ADGRL3: variants seen among roughly 807,000 people sequenced by gnomAD.
ADGRL3 encodes calcium-independent alpha-latrotoxin receptor 3.
In ADGRL3, 62 loss-of-function variants were observed where a neutral mutation model predicts 153.5. The ratio of observed to expected loss-of-function variants is 0.40; its 90% CI spans 0.33 to 0.50. ADGRL3 has a LOEUF of 0.50. ADGRL3 is among the 20% of genes least tolerant of loss of function. The probability of loss-of-function intolerance (pLI) is 0.47; values close to 1 mark genes in which losing one functional copy is unlikely to be tolerated. For missense variants in ADGRL3, 1,641 were observed against 1,859.4 expected, an observed-to-expected ratio of 0.88 and a Z score of 2.16; for synonymous variants, 710 against 672.5, an observed-to-expected ratio of 1.06 and a Z score of -0.86.
Position 61,767,593 on chromosome 4 carries a change from A to G in ADGRL3, c.1399+34039A>G, listed in dbSNP as rs1326046497. Among the ~76,000 whole-genome samples the G allele has an allele frequency of 1.2e-4, 18 of 152,190 alleles. No homozygotes were observed. The East Asian group carries it at 3.3e-3, about 28-fold the overall frequency. On this transcript the variant is annotated intron_variant, in intron 8 of 26. Coordinates refer to ENST00000683033, the MANE Select transcript of ADGRL3 (RefSeq NM_001387552.1). ...GGTAAGCCAAGAAGGAGTCAGTCAG[A>G]GAGCCTTGGGCCAGAGTTCCAGGAG...
At chr4:61,908,300 A>G (rs1046751326) in intron 11 of ADGRL3, among the ~76,000 whole-genome samples, 43 of 152,074 alleles carry the variant, frequency 2.8e-4, no homozygotes, top group Admixed American at 6.6e-5. Flanking sequence ...AAAAGAAAAA[A>G]AAAGAAAAGA....
intron 13 of ADGRL3, among the ~76,000 whole-genome samples, chr4:61,922,674 C>T (rs1398279270): frequency 6.6e-6 from 1 of 152,126 alleles, no homozygotes; most frequent in African/African-American, 2.4e-5. Flanking sequence ...ATAGTAAACA[C>T]ATATACTTTA....
chr4:61,359,827 G>A (rs1175797168), intron 1 of ADGRL3, among the ~76,000 whole-genome samples: 2 of 152,078 alleles, frequency 1.3e-5, no homozygotes, highest in South Asian at 4.1e-4. Context: ...CATGGAAACA[G>A]CTCAATACAT....
intron 21 of ADGRL3, among the ~76,000 whole-genome samples, chr4:62,024,965 AT>A (rs1717614786): frequency 2.7e-5 from 4 of 148,990 alleles, no homozygotes; most frequent in African/African-American, 9.8e-5. Flanking sequence ...AATGCCTTTT[AT>A]TTTTATTCTT....
rs77255258 is a variant in ADGRL3, at chr4:61,317,832, C to G, written c.-239-65292C>G. ...TTAAAATTATTTTACTCTTCTCCAA[C>G]CCAGTACAAAAACTTACAAGACAAC... On this transcript the variant is annotated intron_variant, in intron 1 of 26. Coordinates refer to ENST00000683033, the MANE Select transcript of ADGRL3 (RefSeq NM_001387552.1). 3.8e-4 allele frequency among the ~76,000 whole-genome samples: 58 copies of G among 152,148 alleles called. 1 individual carries two copies. In the East Asian group the frequency reaches 0.011, roughly 28 times the overall value.
intron 4 of ADGRL3, among the ~76,000 whole-genome samples, chr4:61,563,271 TTC>T (rs2098803045): frequency 6.6e-6 from 1 of 152,168 alleles, no homozygotes; most frequent in Non-Finnish European, 1.5e-5. Flanking sequence ...AGTCTTTTTT[TTC>T]TCTGAGAAGT....
At chr4:61,374,150 GA>G (rs938378936) in intron 1 of ADGRL3, among the ~76,000 whole-genome samples, 26 of 152,110 alleles carry the variant, frequency 1.7e-4, no homozygotes, top group Non-Finnish European at 3.7e-4. Context: ...TCTTTGGGTA[GA>G]AAAAAATTTC....
chr4:61,784,653 T>C (rs1432211592), intron 8 of ADGRL3, among the ~76,000 whole-genome samples: 1 of 152,092 alleles, frequency 6.6e-6, no homozygotes, highest in Admixed American at 6.6e-5. Context: ...TTTCATGCTA[T>C]TCCCATTTGG....
chr4:61,844,575 AATAT>A (rs57750929), intron 9 of ADGRL3, among the ~76,000 whole-genome samples: 229 of 18,084 alleles, frequency 0.013, 5 homozygotes, highest in Middle Eastern at 0.12. Flanking sequence ...AAAAAAAAAA[AATAT>A]ATATATATAT....
At chr4:61,683,528 A>G (rs1175608133) in intron 6 of ADGRL3, among the ~76,000 whole-genome samples, 1 of 152,152 alleles carries the variant, frequency 6.6e-6, no homozygotes, top group Non-Finnish European at 1.5e-5. Context: ...TTATGAACCC[A>G]CAATGGGGAG....
intron 1 of ADGRL3, among the ~76,000 whole-genome samples, chr4:61,224,939 A>G (rs1359600731): frequency 6.6e-6 from 1 of 152,188 alleles, no homozygotes; most frequent in East Asian, 1.9e-4. Context: ...TGTCTTCTGA[A>G]TGTAATGCCA....
intron 1 of ADGRL3, among the ~76,000 whole-genome samples, chr4:61,283,874 G>A (rs11131320): frequency 1.3e-5 from 2 of 152,044 alleles, no homozygotes; most frequent in East Asian, 3.9e-4. Context: ...TTGAAAGGGC[G>A]CTGCCCAAAG....
chr4:61,937,684 A>G (rs2098845074), intron 15 of ADGRL3, among the ~76,000 whole-genome samples: 1 of 152,108 alleles, frequency 6.6e-6, no homozygotes, highest in South Asian at 2.1e-4. Context: ...GTCTCCCTCC[A>G]GGCAGTAAGT....
chr4:61,792,559 G>A (rs549587582), intron 8 of ADGRL3, among the ~76,000 whole-genome samples: 1 of 150,846 alleles, frequency 6.6e-6, no homozygotes, highest in South Asian at 2.1e-4. Flanking sequence ...GCATGATCTC[G>A]GCTCACTGCA....
chr4:61,601,415 A>G (rs1001415050), intron 5 of ADGRL3, among the ~76,000 whole-genome samples: 1 of 152,318 alleles, frequency 6.6e-6, no homozygotes, highest in African/African-American at 2.4e-5. Context: ...TAATCAATTT[A>G]TGTCAATTAA....
chr4:61,614,706 C>G (rs888028937), intron 5 of ADGRL3, among the ~76,000 whole-genome samples: 8 of 152,154 alleles, frequency 5.3e-5, no homozygotes, highest in Non-Finnish European at 1.0e-4. Context: ...ATAAGTCTTT[C>G]CTGACTTCCC....
intron 21 of ADGRL3, among the ~76,000 whole-genome samples, chr4:62,012,467 T>A (rs2099191177): frequency 6.6e-6 from 1 of 152,170 alleles, no homozygotes; most frequent in Non-Finnish European, 1.5e-5. Context: ...CCTTTGAGGT[T>A]TCTGAGAGGT....
At position 61,392,684 on chromosome 4, in the gene ADGRL3, C is replaced by CAAAAAAAAAAAA. The variant is rs397993633; in HGVS notation, c.-174+9506_-174+9517dup. Among the ~76,000 whole-genome samples the CAAAAAAAAAAAA allele has an allele frequency of 3.7e-3, 50 of 13,366 alleles. 7 individuals carry two copies. The highest frequency in any genetic ancestry group is 0.037 in the East Asian group (15 of 402). The allele number at this position is 13,366 out of a possible 152,430, so 8.8% of individuals were successfully genotyped here. ...CTGGTGACAGAGCGAGACTCCATCT[C>CAAAAAAAAAAAA]AAAAAAAAAAAAAAAAAAAAAAGAA... On this transcript the variant is annotated intron_variant, in intron 2 of 26. Coordinates refer to ENST00000683033, the MANE Select transcript of ADGRL3 (RefSeq NM_001387552.1).
chr4:61,886,579 A>G (rs79719187), intron 9 of ADGRL3, among the ~76,000 whole-genome samples: 13 of 141,586 alleles, frequency 9.2e-5, no homozygotes, highest in African/African-American at 3.3e-4. Context: ...AATACATTTT[A>G]TGAGTAGAAG....
Sources: allele counts gnomAD v4.1 joint callset (sites outside exome capture counted in the v4.1 genomes callset), GRCh38; gene constraint gnomAD v4.1.1; transcripts MANE v1.5; gene names NCBI Gene and HGNC (gene_info 2026-07-23, HGNC 2026-07-21).